Variants in FNDC3A observed in about 807,000 individuals in gnomAD.
FNDC3A encodes fibronectin type-III domain-containing protein 3A.
Under a neutral mutation model 148.9 loss-of-function variants are expected in FNDC3A, and 32 were observed. The ratio of observed to expected loss-of-function variants is 0.21; its 90% CI spans 0.16 to 0.29. FNDC3A has a LOEUF of 0.29. Ranked by LOEUF, FNDC3A falls within the 10% of genes least tolerant of loss-of-function variation. The probability of loss-of-function intolerance (pLI) is 1.00; values close to 1 mark genes in which losing one functional copy is unlikely to be tolerated. For missense variants in FNDC3A, 1,191 were observed against 1,452.8 expected (o/e 0.82, Z 2.93); for synonymous variants, 472 against 473.6 (o/e 1.00, Z 0.04).
intron 16 of FNDC3A, 80 bp from the exon 17 acceptor site, chr13:49,188,435 T>C (rs1885701954): frequency 1.3e-6 from 1 of 776,826 alleles, no homozygotes; most frequent in African/African-American, 1.8e-5. Context: ...TTTGTGAAGC[T>C]AGGATACCTG....
At chr13:48,997,887 G>C (rs1593451383) in intron 1 of FNDC3A, among the ~76,000 whole-genome samples, 1 of 151,014 alleles carries the variant, frequency 6.6e-6, no homozygotes, top group Non-Finnish European at 1.5e-5. Flanking sequence ...GAAAAGTTTT[G>C]AGGTGTGTGC....
chr13:49,006,490 A>G (rs569907864), intron 2 of FNDC3A, among the ~76,000 whole-genome samples: 16 of 152,084 alleles, frequency 1.1e-4, no homozygotes, highest in East Asian at 7.7e-4. Context: ...TTAATGGTCA[A>G]ATTTCTTATG....
At chr13:49,064,410 C>CAA (rs1177111313) in intron 2 of FNDC3A, among the ~76,000 whole-genome samples, 2 of 78,392 alleles carry the variant, frequency 2.6e-5, no homozygotes, top group Non-Finnish European at 3.1e-5. Flanking sequence ...CGCCCCCCCC[C>CAA]CAAAAAAAAA....
intron 3 of FNDC3A, among the ~76,000 whole-genome samples, chr13:49,102,404 T>C (rs1879918647): frequency 6.6e-6 from 1 of 152,208 alleles, no homozygotes; most frequent in Non-Finnish European, 1.5e-5. Flanking sequence ...TTTTGCTTTA[T>C]TATATGTAAC....
rs571227932 is a variant in FNDC3A at position 49,042,616 on chromosome 13, G to GA, written c.100-32666dup. ...GATAGTGAGACCCTGTCAAAAAATA[G>GA]AAAAAAATAATGAGGTATGGTGCTG... On this transcript the variant is annotated intron_variant, in intron 2 of 25. Transcript: ENST00000492622. Among the ~76,000 whole-genome samples the GA allele has an allele frequency of 1.4e-4, 22 of 151,936 alleles. No homozygotes were observed. In the East Asian group the frequency reaches 4.3e-3, roughly 29 times the overall value.
intron 19 of FNDC3A, among the ~76,000 whole-genome samples, chr13:49,195,576 A>G (rs886091126): frequency 2.0e-4 from 30 of 152,194 alleles, no homozygotes; most frequent in African/African-American, 7.2e-4. Context: ...TTTTTTACCA[A>G]TATTCATGAA....
chr13:49,167,347 G>A, intron 9 of FNDC3A, 44 bp downstream of exon 9: 2 of 1,104,976 alleles, frequency 1.8e-6, no homozygotes, highest in South Asian at 1.7e-5. Context: ...ACAGCATAAG[G>A]GGTTTTTTTT....
At chr13:49,191,663 T>C (rs1265311074) in intron 19 of FNDC3A, among the ~76,000 whole-genome samples, 1 of 152,224 alleles carries the variant, frequency 6.6e-6, no homozygotes, top group Non-Finnish European at 1.5e-5. Flanking sequence ...TAATAGAGTT[T>C]ACTTAATCAA....
intron 2 of FNDC3A, among the ~76,000 whole-genome samples, chr13:49,016,699 GTCAATTTTGGATCTTTCCTGCT>G (rs1438192349): frequency 6.6e-6 from 1 of 152,074 alleles, no homozygotes; most frequent in Non-Finnish European, 1.5e-5. Flanking sequence ...ATGTTAGGGT[GTCAATTTTGGATCTTTCCTGCT>G]TCCTCTTGTG....
chr13:49,196,350 A>G (rs1485890167), intron 19 of FNDC3A, among the ~76,000 whole-genome samples: 2 of 152,206 alleles, frequency 1.3e-5, no homozygotes, highest in Non-Finnish European at 2.9e-5. Flanking sequence ...TATTCCGGGT[A>G]ATGTATGTTA....
chr13:49,019,786 T>A (rs1400277814), intron 2 of FNDC3A, among the ~76,000 whole-genome samples: 1 of 152,250 alleles, frequency 6.6e-6, no homozygotes, highest in Non-Finnish European at 1.5e-5. Flanking sequence ...GACTGTCCTA[T>A]AATGGGCATT....
chr13:49,151,899 G>C (rs912504613), intron 8 of FNDC3A, among the ~76,000 whole-genome samples: 31 of 152,136 alleles, frequency 2.0e-4, no homozygotes, highest in Non-Finnish European at 1.5e-5. Flanking sequence ...GCCTACAAAG[G>C]ATATGAACTC....
intron 8 of FNDC3A, among the ~76,000 whole-genome samples, chr13:49,158,563 T>A (rs1359661870): frequency 6.6e-6 from 1 of 152,228 alleles, no homozygotes; most frequent in Non-Finnish European, 1.5e-5. Flanking sequence ...TCCCATTCTG[T>A]AGGTTGCCTG....
intron 1 of FNDC3A, among the ~76,000 whole-genome samples, chr13:48,990,638 T>G (rs1355689210): frequency 6.7e-6 from 1 of 149,626 alleles, no homozygotes; most frequent in Non-Finnish European, 1.5e-5. Context: ...GGTGCATGCT[T>G]GTAGTCACAG....
intron 2 of FNDC3A, among the ~76,000 whole-genome samples, chr13:49,070,894 G>T (rs9568148): frequency 0.98 from 132,597 of 135,374 alleles, 64,922 homozygotes; most frequent in East Asian, 0.99. Context: ...TTTTTTTTTT[G>T]TTTTGTTTTT....
At chr13:49,176,195 C>T (rs1241313047) in intron 13 of FNDC3A, among the ~76,000 whole-genome samples, 5 of 152,138 alleles carry the variant, frequency 3.3e-5, no homozygotes. Flanking sequence ...CAGGATGATG[C>T]TGGCCTCATA....
chr13:49,152,914 A>G (rs1009661333), intron 8 of FNDC3A, among the ~76,000 whole-genome samples: 2 of 149,580 alleles, frequency 1.3e-5, no homozygotes, highest in Admixed American at 6.7e-5. Context: ...AATCCAGTCT[A>G]TCATTGTTGG....
chr13:49,151,595 C>T (rs1883301103), intron 8 of FNDC3A, among the ~76,000 whole-genome samples: 1 of 151,752 alleles, frequency 6.6e-6, no homozygotes, highest in Non-Finnish European at 1.5e-5. Context: ...TATTATTATA[C>T]TTTAAGTTAT....
chr13:49,002,054 G>A (rs771039599), intron 1 of FNDC3A, among the ~76,000 whole-genome samples: 3 of 152,046 alleles, frequency 2.0e-5, no homozygotes, highest in Admixed American at 1.3e-4. Context: ...TCTCTCTTTT[G>A]TACTCTGTCC....
Sources: gnomAD v4.1 joint callset for allele counts (sites outside exome capture counted in the v4.1 genomes callset) on GRCh38, gnomAD v4.1.1 for gene constraint, MANE v1.5 for transcripts, NCBI Gene and HGNC (gene_info 2026-07-23, HGNC 2026-07-21) for gene names.